The following GALNT17 variants were observed in gnomAD, a reference collection of about 807,000 sequenced individuals.
GALNT17 encodes the protein UDP-GalNAc:polypeptide N-acetylgalactosaminyltransferase-like 3.
Under a neutral mutation model 63.7 loss-of-function variants are expected in GALNT17, and 29 were observed. That is an observed-to-expected ratio of 0.46 (90% CI 0.34 to 0.62). The LOEUF is 0.62. GALNT17 is among the 20% of genes least tolerant of loss of function. The pLI, the probability that GALNT17 is intolerant of heterozygous loss-of-function variation, is 0.01. For synonymous variants in GALNT17, 305 were observed against 318.3 expected (o/e 0.96, Z 0.45); for missense variants, 603 against 799.6 (o/e 0.75, Z 2.97).
intron 9 of GALNT17, among the ~76,000 whole-genome samples, chr7:71,693,249 TACACACACACAC>T (rs201316633): frequency 8.0e-6 from 1 of 124,350 alleles, no homozygotes; most frequent in African/African-American, 3.1e-5. Context: ...CACATATATA[TACACACACACAC>T]ATACACACAC....
At chr7:71,212,906 G>A (rs1789408951) in intron 1 of GALNT17, among the ~76,000 whole-genome samples, 1 of 152,156 alleles carries the variant, frequency 6.6e-6, no homozygotes, top group African/African-American at 2.4e-5. Flanking sequence ...TAGGCTCATA[G>A]GAGGAAGGGA....
intron 4 of GALNT17, among the ~76,000 whole-genome samples, chr7:71,418,222 A>C (rs192144552): frequency 6.6e-6 from 1 of 152,140 alleles, no homozygotes; most frequent in Admixed American, 6.5e-5. Flanking sequence ...TCCACCTATC[A>C]TCTAATTCTC....
intron 1 of GALNT17, chr7:71,284,137 G>C (rs1035794039): frequency 6.6e-6 from 1 of 152,336 alleles, no homozygotes; most frequent in African/African-American, 2.4e-5. Flanking sequence ...TATATTCTTT[G>C]GGTCCACGCC....
intron 5 of GALNT17, among the ~76,000 whole-genome samples, chr7:71,514,707 C>T (rs796131646): frequency 1.4e-4 from 21 of 152,284 alleles, no homozygotes; most frequent in African/African-American, 4.8e-4. Context: ...GGCTTCATTT[C>T]TCTAAGGTAT....
chr7:71,318,592 T>G (rs1448182597), intron 1 of GALNT17, among the ~76,000 whole-genome samples: 1 of 151,776 alleles, frequency 6.6e-6, no homozygotes, highest in African/African-American at 2.4e-5. Flanking sequence ...GCTAAGTTTT[T>G]TTTTCTTTTG....
intron 5 of GALNT17, among the ~76,000 whole-genome samples, chr7:71,448,697 A>G (rs202089293): frequency 6.6e-6 from 1 of 152,194 alleles, no homozygotes; most frequent in East Asian, 1.9e-4. Flanking sequence ...ATATCTTGCA[A>G]ACATAATGTT....
At position 71,132,503 on chromosome 7, in the gene GALNT17, T is replaced by G; in HGVS notation, c.-300T>G. On this transcript the variant is annotated 5_prime_UTR_variant, in exon 1 of 11. Transcript: ENST00000333538. Reference sequence around the variant, plus strand: ...ACTTGCTGGTGCAGAAGAGAAACCCTCAAATCCCTGGCCTTTCGCGGAGAC... The same window carrying G: ...ACTTGCTGGTGCAGAAGAGAAACCCGCAAATCCCTGGCCTTTCGCGGAGAC... 1 of 348,396 alleles carries G rather than the reference T, an allele frequency of 2.9e-6. No homozygotes were observed. The highest frequency in any genetic ancestry group is 5.2e-6 in the Non-Finnish European group (1 of 192,144). The allele number at this position is 348,396 out of a possible 1,614,324, so 21.6% of individuals were successfully genotyped here. A position where few individuals can be genotyped will look rare whatever the true frequency, so the allele number is the denominator to read the frequency against.
intron 1 of GALNT17, among the ~76,000 whole-genome samples, chr7:71,206,432 C>G (rs920217450): frequency 6.6e-6 from 1 of 152,050 alleles, no homozygotes; most frequent in Non-Finnish European, 1.5e-5. Flanking sequence ...AGCAGCAGTG[C>G]TCAGAGCTCT....
intron 2 of GALNT17, among the ~76,000 whole-genome samples, chr7:71,365,400 A>G (rs1324115045): frequency 6.6e-6 from 1 of 151,904 alleles, no homozygotes; most frequent in Non-Finnish European, 1.5e-5. Context: ...CACCACTCCC[A>G]GCTAATTTTT....
At chr7:71,669,109 C>G (rs1428377517) in intron 7 of GALNT17, among the ~76,000 whole-genome samples, 1 of 152,190 alleles carries the variant, frequency 6.6e-6, no homozygotes, top group African/African-American at 2.4e-5. Flanking sequence ...ATTTGCACAG[C>G]AATGATAAGG....
intron 1 of GALNT17, among the ~76,000 whole-genome samples, chr7:71,185,346 C>T (rs955132731): frequency 6.6e-6 from 1 of 151,434 alleles, no homozygotes; most frequent in African/African-American, 2.4e-5. Context: ...GCTGGGACTA[C>T]AGGCACATGC....
intron 4 of GALNT17, among the ~76,000 whole-genome samples, chr7:71,418,762 G>A (rs573268843): frequency 5.9e-5 from 9 of 152,246 alleles, no homozygotes; most frequent in Non-Finnish European, 1.2e-4. Flanking sequence ...ATTGGGAATC[G>A]TCATACATTG....
chr7:71,184,192 C>G (rs1287339754), intron 1 of GALNT17, among the ~76,000 whole-genome samples: 1 of 152,178 alleles, frequency 6.6e-6, no homozygotes, highest in Non-Finnish European at 1.5e-5. Context: ...AAGAAATCAA[C>G]CCCGCTGACA....
At chr7:71,376,083 A>AAAAAGG (rs1266994588) in intron 2 of GALNT17, among the ~76,000 whole-genome samples, 34 of 24,306 alleles carry the variant, frequency 1.4e-3, no homozygotes, top group African/African-American at 0.01. Context: ...CATCTCCAAA[A>AAAAAGG]AAAAGAAAAA....
chr7:71,472,383 A>C lies in GALNT17; in HGVS notation c.962+51278A>C, dbSNP rs545744255. On this transcript the variant is annotated intron_variant, in intron 5 of 10. Transcript: ENST00000333538. ...CTGAAGCAAATGACAAAGCTAGCTT[A>C]ATGAGACATTAAAAGTTATTTAGGG... is the stretch of plus-strand genomic sequence containing the variant. Among the ~76,000 whole-genome samples the C allele has an allele frequency of 4.6e-5, 7 of 152,332 alleles. No homozygotes were observed. In the East Asian group the frequency reaches 1.4e-3, roughly 29 times the overall value.
intron 5 of GALNT17, among the ~76,000 whole-genome samples, chr7:71,476,545 T>A (rs55810201): frequency 6.6e-6 from 1 of 151,412 alleles, no homozygotes; most frequent in East Asian, 1.9e-4. Flanking sequence ...ATAGGTTGAC[T>A]AATTGTTGAA....
chr7:71,353,814 C>T (rs984383372), intron 2 of GALNT17, among the ~76,000 whole-genome samples: 1 of 152,146 alleles, frequency 6.6e-6, no homozygotes, highest in Non-Finnish European at 1.5e-5. Context: ...TTAATCTGTT[C>T]TGGCATTGCT....
chr7:71,244,971 A>T (rs991265275), intron 1 of GALNT17, among the ~76,000 whole-genome samples: 1 of 151,954 alleles, frequency 6.6e-6, no homozygotes, highest in African/African-American at 2.4e-5. Context: ...AAATCAACCA[A>T]AAAAAACCTC....
At chr7:71,140,860 A>G (rs1301837112) in intron 1 of GALNT17, among the ~76,000 whole-genome samples, 1 of 151,932 alleles carries the variant, frequency 6.6e-6, no homozygotes, top group Non-Finnish European at 1.5e-5. Flanking sequence ...TCTCTCTACA[A>G]AAAATAAAAA....
Sources: allele counts gnomAD v4.1 joint callset (sites outside exome capture counted in the v4.1 genomes callset), GRCh38; gene constraint gnomAD v4.1.1; transcripts MANE v1.5; gene names NCBI Gene and HGNC (gene_info 2026-07-23, HGNC 2026-07-21).